The following NDRG2 variants were observed in gnomAD, a reference collection of about 807,000 sequenced individuals.
The protein encoded by NDRG2 is protein NDRG2.
In NDRG2, 34 loss-of-function variants were observed where a neutral mutation model predicts 58.2. The ratio of observed to expected loss-of-function variants is 0.58; its 90% CI spans 0.44 to 0.78. The LOEUF (loss-of-function observed/expected upper bound fraction) is 0.78, where lower values mean the gene tolerates loss of function less well. NDRG2 is among the 30% of genes least tolerant of loss of function. NDRG2 has a pLI of 0.00. For missense variants in NDRG2, 434 were observed against 471.2 expected, an observed-to-expected ratio of 0.92 and a Z score of 0.73; for synonymous variants, 187 against 175.9, an observed-to-expected ratio of 1.06 and a Z score of -0.50.
In NDRG2 at chr14:21,021,800, G is replaced by T. The variant is rs778183969; in HGVS notation, c.407+17C>A. 1.7e-5 allele frequency: 27 copies of T among 1,609,408 alleles called. No individual in the cohort carries two copies. Among genetic ancestry groups the T allele is most frequent in the Non-Finnish European group, 2.1e-5 (25 of 1,177,722 alleles). On this transcript the variant is annotated intron_variant, in intron 6 of 15. Coordinates refer to ENST00000556147, the MANE Select transcript of NDRG2 (RefSeq NM_001320329.2). ...GGAAAGAGAACTCTGGTTTGGAGGG[G>T]TTCCCAGGCCTCTCACTTTAGGTAC...
chr14:21,054,695 G>A (rs1184764685), intron 1 of NDRG2, among the ~76,000 whole-genome samples: 24 of 152,188 alleles, frequency 1.6e-4, no homozygotes, highest in Admixed American at 1.4e-3. Context: ...TCCCGGCCCT[G>A]CCACTTACTA....
At position 21,017,742 on chromosome 14, in the gene NDRG2, G is replaced by A. The variant is rs1197636515; in HGVS notation, c.970C>T (p.Arg324Cys). 2.5e-6 allele frequency: 4 copies of A among 1,600,850 alleles called. No individual in the cohort carries two copies. The highest frequency in any genetic ancestry group is 3.4e-6 in the Non-Finnish European group (4 of 1,173,416). ...GAGGCTGTACGAGACCGGGACAGGCGAGTCATGCAGGATGAGGCCACTGTG... is the reference window on the plus strand; with the variant it reads ...GAGGCTGTACGAGACCGGGACAGGCAAGTCATGCAGGATGAGGCCACTGTG... ...MGYMASSCMT[R>C]LSRSRTASLT... Residue 324 changes from arginine (R) to cysteine (C), a missense_variant, in exon 16 of 16, where the codon CGC (arginine) becomes TGC (cysteine). Transcript: ENST00000556147.
chr14:21,048,066 A>AG (rs1885281492), intron 1 of NDRG2, among the ~76,000 whole-genome samples: 1 of 152,064 alleles, frequency 6.6e-6, no homozygotes, highest in Non-Finnish European at 1.5e-5. Context: ...AGTAGCAACA[A>AG]CATCCAGGGG....
At chr14:21,030,398 G>GT, upstream of NDRG2, 1 of 619,960 alleles carries the variant, frequency 1.6e-6, no homozygotes, top group Admixed American at 2.9e-5. Flanking sequence ...TCATGCTGTA[G>GT]TTGCGTAGGT....
chr14:21,026,971 T>C (rs1434221345), upstream of NDRG2, among the ~76,000 whole-genome samples: 1 of 152,092 alleles, frequency 6.6e-6, no homozygotes, highest in Non-Finnish European at 1.5e-5. Context: ...CCTGCAGGCT[T>C]TTCTTTGTCA....
chr14:21,068,354 T>C (rs1281159566), intron 1 of NDRG2, among the ~76,000 whole-genome samples: 1 of 151,200 alleles, frequency 6.6e-6, no homozygotes, highest in Non-Finnish European at 1.5e-5. Flanking sequence ...TTTCCAGGAG[T>C]TTGTGGACCC....
chr14:21,042,931 C>A, intron 1 of NDRG2: 3 of 1,444,568 alleles, frequency 2.1e-6, no homozygotes, highest in Non-Finnish European at 2.8e-6. Context: ...ACTAATTTCT[C>A]AACTGAACAC....
intron 1 of NDRG2, among the ~76,000 whole-genome samples, chr14:21,050,200 G>A (rs1041206689): frequency 6.6e-6 from 1 of 152,200 alleles, no homozygotes; most frequent in Non-Finnish European, 1.5e-5. Context: ...CTGACACGTT[G>A]CATTTCTGAC....
At chr14:21,020,710 A>C in intron 7 of NDRG2, 74 bp downstream of exon 7, 1 of 1,597,612 alleles carries the variant, frequency 6.3e-7, no homozygotes, top group Non-Finnish European at 8.6e-7. Flanking sequence ...CCTCCCCCAA[A>C]CAGCACTAAT....
chr14:21,018,285 G>A (rs1878014040), intron 13 of NDRG2, 46 bp from the exon 14 acceptor site: 1 of 1,612,450 alleles, frequency 6.2e-7, no homozygotes, highest in Non-Finnish European at 8.5e-7. Context: ...ACACATAAAT[G>A]AGCCATGCAG....
Position 21,022,472 on chromosome 14 carries a change from C to T in NDRG2, c.143G>A (p.Gly48Asp), listed in dbSNP as rs11552412. 1 of 1,614,046 alleles carries T rather than the reference C, an allele frequency of 6.2e-7. No individual in the cohort carries two copies. The highest frequency in any genetic ancestry group is 8.5e-7 in the Non-Finnish European group (1 of 1,179,926). The change falls in exon 4 of 16, where the codon GGC becomes GAC. Residue 48 changes from glycine to aspartate, a missense_variant. Transcript: ENST00000556147. ...GCCATAGACAGTGAAAGTGACAGAG[C>T]CGTATGGTGTCTCCACAGAGTGAGT... ...GQTHSVETPY[G>D]SVTFTVYGTP...
chr14:21,030,576 C>G (rs1190971580), upstream of NDRG2: 1 of 1,613,022 alleles, frequency 6.2e-7, no homozygotes, highest in Non-Finnish European at 8.5e-7. Flanking sequence ...CGACCTCTAG[C>G]TGACCATGGC....
At chr14:21,047,113 A>G (rs1885212400) in intron 1 of NDRG2, among the ~76,000 whole-genome samples, 1 of 152,218 alleles carries the variant, frequency 6.6e-6, no homozygotes. Flanking sequence ...TCGGTCAACT[A>G]ATTTCCTATT....
At chr14:21,030,880 C>A in intron 1 of NDRG2, 1 of 1,504,126 alleles carries the variant, frequency 6.6e-7, no homozygotes, top group Non-Finnish European at 9.0e-7. Flanking sequence ...TGGCGCTGTG[C>A]TATCCTTTGT....
intron 1 of NDRG2, among the ~76,000 whole-genome samples, chr14:21,057,357 AC>A (rs528175439): frequency 6.6e-6 from 1 of 151,478 alleles, no homozygotes; most frequent in South Asian, 2.1e-4. Flanking sequence ...AATTGCTTGA[AC>A]CTGGGAGGCA....
chr14:21,034,822 G>A (rs542855019), intron 1 of NDRG2: 1 of 154,966 alleles, frequency 6.5e-6, no homozygotes, highest in East Asian at 1.9e-4. Flanking sequence ...AGTTTGATGA[G>A]CCCCTGTGCT....
At chr14:21,042,770 A>G (rs1350571684) in intron 1 of NDRG2, among the ~76,000 whole-genome samples, 1 of 152,174 alleles carries the variant, frequency 6.6e-6, no homozygotes, top group Non-Finnish European at 1.5e-5. Flanking sequence ...GAACAGAAAT[A>G]CAAGATGAGA....
At chr14:21,053,902 C>T (rs1222960003) in intron 1 of NDRG2, among the ~76,000 whole-genome samples, 2 of 152,190 alleles carry the variant, frequency 1.3e-5, no homozygotes, top group African/African-American at 4.8e-5. Context: ...AAACTGGGTC[C>T]ATGTAAGCTA....
Position 21,047,947 on chromosome 14 carries a change from G to T in NDRG2, c.24+22881C>A, listed in dbSNP as rs1328801960. On this transcript the variant is annotated intron_variant, in intron 1 of 14. Transcript: ENST00000403829. ...GAAGAGAAGGATCCTCAGCTCCAGG[G>T]ATTTCCTCTGCCTACACCCTGCCCT... is the stretch of plus-strand genomic sequence containing the variant. Among the ~76,000 whole-genome samples the T allele has an allele frequency of 2.0e-5, 3 of 152,118 alleles. 1 individual carries two copies. The highest frequency in any genetic ancestry group is 2.0e-4 in the Admixed American group (3 of 15,272).
Sources: allele counts gnomAD v4.1 joint callset (sites outside exome capture counted in the v4.1 genomes callset), GRCh38; gene constraint gnomAD v4.1.1; transcripts MANE v1.5; gene names NCBI Gene and HGNC (gene_info 2026-07-23, HGNC 2026-07-21).